Variants in MYO1G observed in about 807,000 individuals in gnomAD.
MYO1G encodes myosin IG.
In MYO1G, 65 loss-of-function variants were observed where a neutral mutation model predicts 115.3. That is an observed-to-expected ratio of 0.56 (90% CI 0.46 to 0.69). MYO1G has a LOEUF of 0.69. Ranked by LOEUF, MYO1G falls within the 30% of genes least tolerant of loss-of-function variation. The pLI, the probability that MYO1G is intolerant of heterozygous loss-of-function variation, is 0.00. For synonymous variants in MYO1G, 510 were observed against 552.6 expected, an observed-to-expected ratio of 0.92 and a Z score of 1.08; for missense variants, 1,204 against 1,393.5, an observed-to-expected ratio of 0.86 and a Z score of 2.16.
rs1386183561 is a variant in MYO1G, at chr7:44,970,905, C to T, written c.1001G>A (p.Gly334Glu). ...GCCCTTCTCTATGAGTTCCCTGCCT[C>T]CCGAGGCAACTGTGCGAGCCAGCAG... ...RSLLARTVASGGRELIEKGHT... is the reference protein window; with the variant it reads ...RSLLARTVASEGRELIEKGHT... The change falls in exon 8 of 22, where the codon GGA (glycine) becomes GAA (glutamate). Residue 334 changes from glycine to glutamate, a missense_variant. Gly to Glu is a moderately conservative substitution (Grantham distance 98). Coordinates refer to ENST00000258787, the MANE Select transcript of MYO1G (RefSeq NM_033054.3). 6.2e-7 allele frequency: 1 copy of T among 1,613,558 alleles called. No individual in the cohort carries two copies. The highest frequency in any genetic ancestry group is 1.7e-5 in the Admixed American group (1 of 60,010).
chr7:44,977,119 C>A lies in MYO1G; in HGVS notation c.96-48G>T, dbSNP rs79147445. 1.2e-3 allele frequency: 1,913 copies of A among 1,579,314 alleles called. 14 individuals are homozygous for A. In the African/African-American group the frequency reaches 0.022, roughly 18 times the overall value. ...TCAGCACTCACAGGCTTACAGGCACCCACAGGCCTTTCGCCAGAGCCCATA... is the reference window on the plus strand; with the variant it reads ...TCAGCACTCACAGGCTTACAGGCACACACAGGCCTTTCGCCAGAGCCCATA... On this transcript the variant is annotated intron_variant, in intron 1 of 21. Transcript: ENST00000258787.
chr7:44,964,388 T>C lies in MYO1G; in HGVS notation c.2631+27A>G. 6.3e-7 allele frequency: 1 copy of C among 1,594,198 alleles called. No homozygotes were observed. The highest frequency in any genetic ancestry group is 8.6e-7 in the Non-Finnish European group (1 of 1,162,172). On this transcript the variant is annotated intron_variant, in intron 19 of 21. Transcript: ENST00000258787. The surrounding 1 kb of genome is among the most constrained non-coding windows in gnomAD (Gnocchi z 5.1). ...CGTGGCTAGAAAAAGAGCACAGCCC[T>C]GAAGCCATCCTTGTCCCTTGTCTAA...
Position 44,969,436 on chromosome 7 carries a change from G to A in MYO1G, c.1551C>T (p.Ile517=), listed in dbSNP as rs1408911991. 2.0e-5 allele frequency: 33 copies of A among 1,613,872 alleles called. No individual in the cohort carries two copies. The highest frequency in any genetic ancestry group is 2.6e-5 in the Non-Finnish European group (31 of 1,180,016). The change falls in exon 12 of 22, where the codon ATC becomes ATT. Residue 517 remains isoleucine (I), a synonymous_variant. Coordinates refer to ENST00000258787, the MANE Select transcript of MYO1G (RefSeq NM_033054.3). This position sits in a 1 kb window ranked among gnomAD's most constrained non-coding sequence, Gnocchi z 5.0. ...ACGTGACGTCCCCTGCATAGTGCTT[G>A]ATCCGGAAGTCTCGGCCAAACTCCA... ...KTMEFGRDFR[I]KHYAGDVTYS... is the part of the protein sequence containing the mutation.
chr7:44,975,127 C>G (rs1318650867), intron 5 of MYO1G, 47 bp downstream of exon 5: 1 of 1,599,282 alleles, frequency 6.3e-7, no homozygotes, highest in African/African-American at 1.3e-5. Flanking sequence ...TGCTGCCCTC[C>G]CTTTCCCCAC....
chr7:44,970,916 T>C lies in MYO1G; in HGVS notation c.990A>G (p.Thr330=). The C allele has an allele frequency of 1.2e-6, 2 of 1,613,534 alleles. No homozygotes were observed. Among genetic ancestry groups the C allele is most frequent in the Non-Finnish European group, 1.7e-6 (2 of 1,180,020 alleles). ...DLVLRSLLAR[T]VASGGRELIE... is the part of the protein sequence containing the mutation. ...TGAGTTCCCTGCCTCCCGAGGCAAC[T>C]GTGCGAGCCAGCAGGGAGCGGAGCA... The change falls in exon 8 of 22, where the codon ACA becomes ACG. Residue 330 remains threonine, a synonymous_variant. Transcript: ENST00000258787.
In MYO1G at chr7:44,966,891, C is replaced by T. The variant is rs1326601763; in HGVS notation, c.1783-53G>A. On this transcript the variant is annotated intron_variant, in intron 14 of 21. Transcript: ENST00000258787. The surrounding 1 kb of genome is among the most constrained non-coding windows in gnomAD (Gnocchi z 5.0). Reference sequence around the variant, plus strand: ...GGTCTGCGCCAGCAGCACTGTGCACCCTGCCCCACACCAGGGGCTTCCTAA... The same window carrying T: ...GGTCTGCGCCAGCAGCACTGTGCACTCTGCCCCACACCAGGGGCTTCCTAA... 8.5e-6 allele frequency: 13 copies of T among 1,532,906 alleles called. No individual in the cohort carries two copies. The highest frequency in any genetic ancestry group is 2.3e-5 in the East Asian group (1 of 44,254). The allele number at this position is 1,532,906 out of a possible 1,614,324, so 95.0% of individuals were successfully genotyped here. A position where few individuals can be genotyped will look rare whatever the true frequency, so the allele number is the denominator to read the frequency against.
chr7:44,963,221 A>T lies in MYO1G; in HGVS notation c.2746-97T>A. The T allele has an allele frequency of 7.6e-7, 1 of 1,316,710 alleles. No individual in the cohort carries two copies. Among genetic ancestry groups the T allele is most frequent in the South Asian group, 1.7e-5 (1 of 58,148 alleles). The allele number at this position is 1,316,710 out of a possible 1,614,324, so 81.6% of individuals were successfully genotyped here. ...CCAGGAAGCCTCTGCCGAACCCCCA[A>T]CCGCACCCGGGGAGCGCCGCCCTCG... On this transcript the variant is annotated intron_variant, in intron 20 of 21. Coordinates refer to ENST00000258787, the MANE Select transcript of MYO1G (RefSeq NM_033054.3). The surrounding 1 kb of genome is among the most constrained non-coding windows in gnomAD (Gnocchi z 4.1).
At chr7:44,974,268 T>C (rs918327982) in intron 5 of MYO1G, 22 of 149,832 alleles carry the variant, frequency 1.5e-4, no homozygotes, top group African/African-American at 4.7e-4. Flanking sequence ...GGGCGGTTCA[T>C]AGACCCTGGA....
chr7:44,965,113 C>A, intron 17 of MYO1G, 24 bp from the exon 18 acceptor site: 2 of 1,590,304 alleles, frequency 1.3e-6, no homozygotes, highest in South Asian at 1.1e-5. Flanking sequence ...TGTAGTCAGA[C>A]AGATGCTGGC....
At chr7:44,972,383 C>A (rs573631171) in intron 5 of MYO1G, 158 bp from the exon 6 acceptor site, 299 of 617,876 alleles carry the variant, frequency 4.8e-4, no homozygotes, top group Non-Finnish European at 7.4e-4. Context: ...TGTGTGCCAG[C>A]AAGCTCCCCA....
At position 44,965,784 on chromosome 7, in the gene MYO1G, C is replaced by T; in HGVS notation, c.2234G>A (p.Arg745Lys). The change falls in exon 17 of 22, where the codon AGA becomes AAA. Residue 745 changes from arginine to lysine, a missense_variant. Arg to Lys is a conservative substitution (Grantham distance 26). Coordinates refer to ENST00000258787, the MANE Select transcript of MYO1G (RefSeq NM_033054.3). ...AGCCAGGTGAGCCCGCACCTTGTGT[C>T]TCCGGAACCAGCGCATGATGGTGTA... ...AIYTIMRWFR[R>K]HKVRAHLAEL... The T allele has an allele frequency of 6.2e-7, 1 of 1,606,036 alleles. No homozygotes were observed. The highest frequency in any genetic ancestry group is 8.5e-7 in the Non-Finnish European group (1 of 1,179,958).
At position 44,964,529 on chromosome 7, in the gene MYO1G, G is replaced by A. The variant is rs1249976046; in HGVS notation, c.2527-10C>T. ...TGGGATTGTCAGTGGCCTGAGGACA[G>A]ATGGAGGGGAGGGGGCGCTGCTTGG... On this transcript the variant is annotated splice_polypyrimidine_tract_variant and intron_variant, in intron 18 of 21. Transcript: ENST00000258787. This position sits in a 1 kb window ranked among gnomAD's most constrained non-coding sequence, Gnocchi z 5.1. 1.2e-6 allele frequency: 2 copies of A among 1,608,776 alleles called. No individual in the cohort carries two copies. Among genetic ancestry groups the A allele is most frequent in the South Asian group, 2.2e-5 (2 of 90,998 alleles).
Position 44,969,457 on chromosome 7 carries a change from C to T in MYO1G, c.1530G>A (p.Glu510=). ...RQLCPTDKTM[E]FGRDFRIKHY... ...GCTTGATCCGGAAGTCTCGGCCAAA[C>T]TCCATGGTCTTGTCTGTGGGGCAGA... Residue 510 remains glutamate, a synonymous_variant, in exon 12 of 22, where the codon GAG becomes GAA. Coordinates refer to ENST00000258787, the MANE Select transcript of MYO1G (RefSeq NM_033054.3). This position sits in a 1 kb window ranked among gnomAD's most constrained non-coding sequence, Gnocchi z 5.0. 1 of 1,613,962 alleles carries T rather than the reference C, an allele frequency of 6.2e-7. No individual in the cohort carries two copies.
chr7:44,978,666 C>G (rs1283771157), intron 1 of MYO1G, among the ~76,000 whole-genome samples: 1 of 152,196 alleles, frequency 6.6e-6, no homozygotes, highest in East Asian at 1.9e-4. Context: ...CTGACAGGGA[C>G]AGTTGCCTCC....
chr7:44,966,114 G>C lies in MYO1G; in HGVS notation c.2116C>G (p.Arg706Gly). 1 of 1,612,848 alleles carries C rather than the reference G, an allele frequency of 6.2e-7. No homozygotes were observed. Among genetic ancestry groups the C allele is most frequent in the Non-Finnish European group, 8.5e-7 (1 of 1,179,982 alleles). ...ACAATGATGGGGATGAGGCGGGCTC[G>C]GCTCTGCTCCAGTGTGACCAGTGTC... The part of the protein sequence containing the change: ...PRTLVTLEQS[R>G]ARLIPIIVLL... The change falls in exon 16 of 22, where the codon CGA (arginine) becomes GGA (glycine). Residue 706 changes from arginine to glycine, a missense_variant. Transcript: ENST00000258787. This position sits in a 1 kb window ranked among gnomAD's most constrained non-coding sequence, Gnocchi z 5.0.
Position 44,965,709 on chromosome 7 carries a change from C to T in MYO1G, c.2309G>A (p.Arg770His), listed in dbSNP as rs145057132. The T allele has an allele frequency of 2.5e-5, 40 of 1,612,962 alleles. No individual in the cohort carries two copies. The highest frequency in any genetic ancestry group is 1.7e-4 in the Middle Eastern group (1 of 6,034). The change falls in exon 17 of 22, where the codon CGT (arginine) becomes CAT (histidine). Residue 770 changes from arginine (R) to histidine (H), a missense_variant. Physicochemically the swap from Arg to His is conservative, Grantham distance 29 (BLOSUM62 0). Transcript: ENST00000258787. ...QAARQPPLYG[R>H]DLVWPLPPAV... ...AGGGGGCAGCGGCCACACAAGGTCA[C>T]GCCCGTAGAGTGGCGGCTGCCTTGC...
intron 2 of MYO1G, 51 bp downstream of exon 2, chr7:44,976,812 G>A (rs754609848): frequency 6.2e-7 from 1 of 1,600,864 alleles, no homozygotes; most frequent in African/African-American, 1.3e-5. Context: ...CCTCCCAAAT[G>A]TTCACAAATG....
In MYO1G at chr7:44,975,497, T is replaced by C; in HGVS notation, c.551A>G (p.Tyr184Cys). Reference protein sequence around the residue: ...GDPIGGHIHSYLLEKSRVLKQ... With the variant: ...GDPIGGHIHSCLLEKSRVLKQ... ...CCACCTGCCCACCTTCTCCAGTAGG[T>C]AGCTGTGGATGTGTCCTCCGATCGG... Residue 184 changes from tyrosine to cysteine, a missense_variant, in exon 4 of 22, where the codon TAC becomes TGC. Transcript: ENST00000258787. 1 of 1,610,610 alleles carries C rather than the reference T, an allele frequency of 6.2e-7. No individual in the cohort carries two copies. The highest frequency in any genetic ancestry group is 1.3e-5 in the African/African-American group (1 of 75,004).
rs976542453 is a variant in MYO1G, at chr7:44,975,625, G to A, written c.423C>T (p.Ser141=). The A allele has an allele frequency of 5.6e-6, 9 of 1,612,820 alleles. No homozygotes were observed. The highest frequency in any genetic ancestry group is 7.6e-6 in the Non-Finnish European group (9 of 1,179,286). The change falls in exon 4 of 22, where the codon TCC becomes TCT. Residue 141 remains serine (S), a synonymous_variant. Transcript: ENST00000258787. The stretch of plus-strand genomic sequence containing the variant: ...TGCCAAAGGCCTCCAGCACACAGGT[G>A]GACTTGAGCAGCACGTCCTTGACCC... The part of the protein sequence containing the change: ...VERVKDVLLK[S]TCVLEAFGNA...
Sources: gnomAD v4.1 joint callset for allele counts (sites outside exome capture counted in the v4.1 genomes callset) on GRCh38, gnomAD v4.1.1 for gene constraint, Gnocchi (gnomAD v3.1) non-coding constraint, MANE v1.5 for transcripts, NCBI Gene and HGNC (gene_info 2026-07-23, HGNC 2026-07-21) for gene names.